The following TRIM37 variants were observed in gnomAD, a reference collection of about 807,000 sequenced individuals.
TRIM37 encodes the protein E3 ubiquitin-protein ligase TRIM37.
Under a neutral mutation model 129.8 loss-of-function variants are expected in TRIM37, and 80 were observed. The ratio of observed to expected loss-of-function variants is 0.62; its 90% confidence interval spans 0.51 to 0.74. The LOEUF is 0.74. Ranked by LOEUF, TRIM37 falls within the 30% of genes least tolerant of loss-of-function variation. The pLI, the probability that TRIM37 is intolerant of heterozygous loss-of-function variation, is 0.00. For missense variants in TRIM37, 1,054 were observed against 1,176.5 expected (o/e 0.90, Z 1.52); for synonymous variants, 389 against 387.1 (o/e 1.00, Z -0.06).
intron 8 of TRIM37, among the ~76,000 whole-genome samples, chr17:59,074,322 C>T (rs992981161): frequency 5.9e-5 from 9 of 152,062 alleles, no homozygotes; most frequent in Non-Finnish European, 8.8e-5. Context: ...GAATACTATG[C>T]CATTTTATAT....
chr17:59,058,360 A>T (rs1433521711), intron 12 of TRIM37, among the ~76,000 whole-genome samples: 4 of 152,194 alleles, frequency 2.6e-5, no homozygotes, highest in Non-Finnish European at 5.9e-5. Context: ...AGAAGGAAAC[A>T]ACAGACACTG....
chr17:59,068,222 A>G (rs2042075271), intron 9 of TRIM37, among the ~76,000 whole-genome samples: 1 of 152,226 alleles, frequency 6.6e-6, no homozygotes, highest in South Asian at 2.1e-4. Flanking sequence ...TGCCTGCCTG[A>G]TGAGCTGCTG....
chr17:59,028,835 G>A (rs1321608795), intron 18 of TRIM37, 112 bp from the exon 19 acceptor site: 8 of 1,068,350 alleles, frequency 7.5e-6, no homozygotes, highest in South Asian at 1.4e-5. Flanking sequence ...TGCTTTACGT[G>A]GTATCAACAA....
At chr17:59,045,132 C>G (rs781428258) in intron 16 of TRIM37, among the ~76,000 whole-genome samples, 2 of 152,012 alleles carry the variant, frequency 1.3e-5, no homozygotes, top group African/African-American at 4.8e-5. Flanking sequence ...TGAGATCATC[C>G]TGGCTAACAC....
At chr17:59,017,507 C>T in intron 19 of TRIM37, 83 bp from the exon 20 acceptor site, 2 of 1,589,026 alleles carry the variant, frequency 1.3e-6, no homozygotes, top group South Asian at 2.2e-5. Flanking sequence ...AAGTTTTAAT[C>T]TTACCTTGCA....
At position 58,998,545 on chromosome 17, in the gene TRIM37, T is replaced by C; in HGVS notation, c.*832A>G. On this transcript the variant is annotated 3_prime_UTR_variant, in exon 24 of 24. Transcript: ENST00000262294. ...CATGTAAGCCACTGTGCAACATGAA[T>C]GAATCTTTAAATGTGTTGACACTGA... 3.0e-6 allele frequency: 3 copies of C among 985,320 alleles called. No homozygotes were observed. In the South Asian group the frequency reaches 1.4e-4, roughly 46 times the overall value. The allele number at this position is 985,320 out of a possible 1,614,324, so 61.0% of individuals were successfully genotyped here.
At position 59,012,340 on chromosome 17, in the gene TRIM37, C is replaced by A; in HGVS notation, c.2683G>T (p.Ala895Ser). 6.2e-7 allele frequency: 1 copy of A among 1,607,410 alleles called. No individual in the cohort carries two copies. Residue 895 changes from alanine (A) to serine (S), a missense_variant, in exon 22 of 24, where the codon GCC becomes TCC. By Grantham distance (99) the Ala-to-Ser change is moderately conservative. This residue lies in a region of TRIM37 where 287 missense variants were observed against 274.3 expected (regional missense o/e 1.05). Transcript: ENST00000262294. ...QPVLPEGASA[A>S]PEEGMSSDSD... ...TATCATTCCTTACCTTCTTCAGGGG[C>A]AGCTGAAGCTCCTTCAGGTAGTACA...
chr17:58,973,480 T>C, the TRIM37 span, among the ~76,000 whole-genome samples: 197 of 150,458 alleles, frequency 1.3e-3, no homozygotes, highest in South Asian at 2.9e-3. Context: ...ACATTTAAAA[T>C]TTTATGGAAG....
intron 16 of TRIM37, among the ~76,000 whole-genome samples, chr17:59,042,199 A>T (rs888346263): frequency 6.6e-6 from 1 of 150,852 alleles, no homozygotes; most frequent in Non-Finnish European, 1.5e-5. Context: ...ACACGGTGAA[A>T]CCCTGTCTCT....
chr17:59,106,380 G>C, intron 1 of TRIM37, 61 bp downstream of exon 1: 1 of 1,609,076 alleles, frequency 6.2e-7, no homozygotes, highest in Non-Finnish European at 8.5e-7. Context: ...ACGACTCCCC[G>C]AATAAAAACC....
At chr17:59,046,185 A>G (rs2039778442) in intron 16 of TRIM37, among the ~76,000 whole-genome samples, 1 of 152,166 alleles carries the variant, frequency 6.6e-6, no homozygotes, top group Admixed American at 6.6e-5. Flanking sequence ...ACACTCATCA[A>G]AGGGTGTCAA....
Position 59,070,834 on chromosome 17 carries a change from T to C in TRIM37, c.798A>G (p.Pro266=), listed in dbSNP as rs1241382819. 6.2e-7 allele frequency: 1 copy of C among 1,614,076 alleles called. No individual in the cohort carries two copies. The highest frequency in any genetic ancestry group is 8.5e-7 in the Non-Finnish European group (1 of 1,179,966). Residue 266 remains proline (P), a synonymous_variant, in exon 9 of 24, where the codon CCA becomes CCG. Transcript: ENST00000262294. ...MASFVTTPVP[P]DFTSELVPSY... is the part of the protein sequence containing the mutation. ...AAACTGTGTCATACCTGGTAAAGTC[T>C]GGTGGAACAGGAGTGGTAACAAAAG...
intron 17 of TRIM37, among the ~76,000 whole-genome samples, chr17:59,037,550 T>A (rs1208925682): frequency 1.0e-5 from 1 of 95,404 alleles, no homozygotes; most frequent in Non-Finnish European, 1.9e-5. Context: ...AGAGCAAGAC[T>A]CTGTCTCAAA....
chr17:58,980,682 A>G, downstream of TRIM37: 2 of 1,614,224 alleles, frequency 1.2e-6, no homozygotes, highest in Non-Finnish European at 1.7e-6. This position sits in a 1 kb window ranked among gnomAD's most constrained non-coding sequence, Gnocchi z 4.7. Context: ...GAGCAGATAT[A>G]CAGAATGCAG....
rs564731425 is a variant in TRIM37 at position 58,998,858 on chromosome 17, T to C, written c.*519A>G. 9.1e-6 allele frequency: 9 copies of C among 994,318 alleles called. No homozygotes were observed. The highest frequency in any genetic ancestry group is 4.4e-5 in the South Asian group (1 of 22,554). The allele number at this position is 994,318 out of a possible 1,614,324, so 61.6% of individuals were successfully genotyped here. Reference sequence around the variant, plus strand: ...AAAGGAGATTCAGTCTAGTGTTACTTCAGTTATTCACATAGTGTCTACAGG... The same window carrying C: ...AAAGGAGATTCAGTCTAGTGTTACTCCAGTTATTCACATAGTGTCTACAGG... On this transcript the variant is annotated 3_prime_UTR_variant, in exon 24 of 24. Coordinates refer to ENST00000262294, the MANE Select transcript of TRIM37 (RefSeq NM_015294.6).
At chr17:59,060,527 A>AT (rs1444614737) in intron 12 of TRIM37, among the ~76,000 whole-genome samples, 1 of 152,208 alleles carries the variant, frequency 6.6e-6, no homozygotes, top group Non-Finnish European at 1.5e-5. Context: ...TTTGGATGTA[A>AT]TATCAAAGAA....
chr17:59,096,579 A>G (rs2044908841), intron 2 of TRIM37, among the ~76,000 whole-genome samples: 2 of 151,096 alleles, frequency 1.3e-5, no homozygotes. Flanking sequence ...AAAAAAAACC[A>G]ACTTTGTAAC....
downstream of TRIM37, among the ~76,000 whole-genome samples, chr17:58,994,677 A>G (rs968994975): frequency 6.6e-6 from 1 of 152,180 alleles, no homozygotes; most frequent in Non-Finnish European, 1.5e-5. Context: ...GGACTTTGGT[A>G]TCCACAGGGA....
chr17:59,093,305 T>G (rs1302272745), intron 2 of TRIM37, among the ~76,000 whole-genome samples: 1 of 152,198 alleles, frequency 6.6e-6, no homozygotes, highest in African/African-American at 2.4e-5. Context: ...GCCACTCTTC[T>G]GTTAAAGTCA....
Sources: allele counts gnomAD v4.1 joint callset (sites outside exome capture counted in the v4.1 genomes callset), GRCh38; gene constraint gnomAD v4.1.1; regional missense constraint gnomAD v4.1.1; non-coding constraint Gnocchi (gnomAD v3.1); transcripts MANE v1.5; gene names NCBI Gene and HGNC (gene_info 2026-07-23, HGNC 2026-07-21).